Variants in FMR1 observed in about 807,000 individuals in gnomAD.
FMR1 encodes the protein FMRP translational regulator 1.
A neutral mutation model predicts 50.6 loss-of-function variants in FMR1; 13 were observed. The ratio of observed to expected loss-of-function variants is 0.26; its 90% CI spans 0.17 to 0.41. FMR1 has a LOEUF of 0.41. Among genes scored for constraint, FMR1 ranks in the 10% least tolerant of loss-of-function variants. The pLI, the probability that FMR1 is intolerant of heterozygous loss-of-function variation, is 1.00. For synonymous variants in FMR1, 138 were observed against 164.1 expected (o/e 0.84, Z 1.22); for missense variants, 316 against 491.3 (o/e 0.64, Z 3.37).
chrX:147,937,915 A>G (rs781904156), intron 11 of FMR1, among the ~76,000 whole-genome samples, 184 bp from the exon 12 acceptor site: 1 of 112,273 alleles, frequency 8.9e-6, no homozygotes, highest in Admixed American at 9.4e-5. Flanking sequence ...GTAGCTCAAA[A>G]TACACCTTCT....
chrX:147,934,848 T>C lies in FMR1; in HGVS notation c.881-1656T>C, dbSNP rs782090869. Among the ~76,000 whole-genome samples the C allele has an allele frequency of 1.1e-4, 12 of 111,898 alleles. No individual in the cohort carries two copies. The South Asian group carries it at 4.5e-3, about 42-fold the overall frequency. Reference sequence around the variant, plus strand: ...CTTTAGAGAGGTGTCATAATCAGTTTTGCATGTGTTTTGTTTGAGTCAACC... The same window carrying C: ...CTTTAGAGAGGTGTCATAATCAGTTCTGCATGTGTTTTGTTTGAGTCAACC... On this transcript the variant is annotated intron_variant, in intron 9 of 16. Transcript: ENST00000370475.
chrX:147,933,484 A>C, intron 9 of FMR1: 1 of 964,498 alleles, frequency 1.0e-6, no homozygotes, highest in Non-Finnish European at 1.3e-6. Flanking sequence ...GACTTTCTGC[A>C]AAGTCAATAG....
At chrX:147,938,238 A>G (rs1028398364) in intron 12 of FMR1, 77 bp downstream of exon 12, 16 of 851,956 alleles carry the variant, frequency 1.9e-5, no homozygotes, top group Admixed American at 8.9e-5. Flanking sequence ...AAAGATTACA[A>G]ATGATCCTCA....
chrX:147,942,637 G>A (rs927731110), intron 13 of FMR1, among the ~76,000 whole-genome samples: 1 of 112,180 alleles, frequency 8.9e-6, no homozygotes, highest in Non-Finnish European at 1.9e-5. Flanking sequence ...ACAAAAGATG[G>A]CCCAAACTCA....
chrX:147,920,415 T>C (rs1043451227), intron 1 of FMR1, among the ~76,000 whole-genome samples: 3 of 111,803 alleles, frequency 2.7e-5, no homozygotes, highest in African/African-American at 9.8e-5. Flanking sequence ...TCCTCCACTC[T>C]CTTTTGTTTA....
chrX:147,940,205 A>C (rs2043956377), intron 12 of FMR1: 1 of 117,127 alleles, frequency 8.5e-6, no homozygotes, highest in Non-Finnish European at 1.7e-5. Flanking sequence ...AAAAAGAAAA[A>C]ATTTTGATCA....
chrX:147,944,639 A>T, intron 14 of FMR1: 1 of 1,037,250 alleles, frequency 9.6e-7, no homozygotes, highest in Non-Finnish European at 1.2e-6. Context: ...CCTTTTTAAA[A>T]ATGAGAATGA....
intron 1 of FMR1, 67 bp downstream of exon 1, chrX:147,912,297 G>C: frequency 9.5e-7 from 1 of 1,052,042 alleles, no homozygotes; most frequent in South Asian, 2.0e-5. Context: ...TGGTGTCGGC[G>C]GGAGGCAGGC....
chrX:147,933,612 T>C (rs1223216541), intron 9 of FMR1: 1 of 861,756 alleles, frequency 1.2e-6, no homozygotes, highest in Admixed American at 6.8e-5. Flanking sequence ...TAGTAGAACA[T>C]ATCAAAACCA....
chrX:147,944,348 C>G lies in FMR1; in HGVS notation c.1472-521C>G, dbSNP rs1557181482. 4 of 751,390 alleles carry G rather than the reference C, an allele frequency of 5.3e-6. No homozygotes were observed. The African/African-American group carries it at 9.3e-5, about 17-fold the overall frequency. 61.9% of individuals were successfully genotyped at this position (751,390 alleles called of 1,213,427 possible). A position where few individuals can be genotyped will look rare whatever the true frequency, so the allele number is the denominator to read the frequency against. On this transcript the variant is annotated intron_variant, in intron 14 of 16. Transcript: ENST00000370475. ...CAGGCAAGCATGTATCTGCCTTCAG[C>G]TAGATCCAATCCATGACCCACAAGA... is the stretch of plus-strand genomic sequence containing the variant.
At position 147,928,821 on chromosome X, in the gene FMR1, C is replaced by CA. The variant is rs1384569069; in HGVS notation, c.419+16dup. The CA allele has an allele frequency of 8.3e-7, 1 of 1,203,808 alleles. No homozygotes were observed. The highest frequency in any genetic ancestry group is 1.7e-5 in the African/African-American group (1 of 57,503). ...CTTACGGCAAATGTAAGTTGATACACAAGAAATGCTGAGAACTTGGAAGTG... is the reference window on the plus strand; with the variant it reads ...CTTACGGCAAATGTAAGTTGATACACAAAGAAATGCTGAGAACTTGGAAGTG... On this transcript the variant is annotated intron_variant, in intron 5 of 16. Transcript: ENST00000370475.
At chrX:147,921,794 G>T in intron 1 of FMR1, 139 bp from the exon 2 acceptor site, 1 of 464,874 alleles carries the variant, frequency 2.2e-6, no homozygotes, top group Non-Finnish European at 3.9e-6. Flanking sequence ...TGAATAAAAT[G>T]ATCTTCAAAA....
At chrX:147,925,116 T>G in intron 2 of FMR1, 1 of 146,671 alleles carries the variant, frequency 6.8e-6, no homozygotes, top group Non-Finnish European at 1.3e-5. Flanking sequence ...AGAGGGCAGT[T>G]TTTGTGGTCC....
Position 147,950,756 on chromosome X carries a change from T to C in FMR1, c.*1912T>C, listed in dbSNP as rs1176926994. 1 of 317,740 alleles carries C rather than the reference T, an allele frequency of 3.1e-6. No homozygotes were observed. The highest frequency in any genetic ancestry group is 2.7e-5 in the African/African-American group (1 of 37,300). 26.2% of individuals were successfully genotyped at this position (317,740 alleles called of 1,213,427 possible). ...TGTTACCATTGGAAATTTCACGTCATAGGAAGTTAGCCTTTATCTACCAAC... is the reference window on the plus strand; with the variant it reads ...TGTTACCATTGGAAATTTCACGTCACAGGAAGTTAGCCTTTATCTACCAAC... On this transcript the variant is annotated 3_prime_UTR_variant, in exon 17 of 17. Transcript: ENST00000370475.
intron 15 of FMR1, 143 bp from the exon 16 acceptor site, chrX:147,945,391 G>A: frequency 5.7e-6 from 3 of 525,896 alleles, no homozygotes; most frequent in African/African-American, 2.3e-5. Context: ...TAGATTATTA[G>A]CCATTGTGTA....
At chrX:147,921,890 A>G (rs1602957999) in intron 1 of FMR1, 43 bp from the exon 2 acceptor site, 1 of 915,120 alleles carries the variant, frequency 1.1e-6, no homozygotes, top group Non-Finnish European at 1.6e-6. Context: ...AACAAAAACT[A>G]TCTTTAAGCT....
chrX:147,923,557 T>C (rs962244765), intron 2 of FMR1, among the ~76,000 whole-genome samples: 6 of 112,208 alleles, frequency 5.3e-5, no homozygotes, highest in African/African-American at 9.7e-5. Flanking sequence ...ATTTCCTCTA[T>C]GCATTTAAGA....
Position 147,929,963 on chromosome X carries a change from G to A in FMR1, c.435G>A (p.Ala145=), listed in dbSNP as rs782632430. 1.9e-5 allele frequency: 23 copies of A among 1,195,574 alleles called. No individual in the cohort carries two copies. The highest frequency in any genetic ancestry group is 1.8e-4 in the South Asian group (10 of 56,178). ...AAATTTCTAGGTGTGCCAAAGAGGC[G>A]GCACATAAGGATTTTAAAAAGGCAG... ...EDLRQMCAKE[A]AHKDFKKAVG... is the part of the protein sequence containing the mutation. The change falls in exon 6 of 17, where the codon GCG becomes GCA. Residue 145 remains alanine (A), a synonymous_variant. Coordinates refer to ENST00000370475, the MANE Select transcript of FMR1 (RefSeq NM_002024.6).
At chrX:147,917,299 C>T (rs1395119643) in intron 1 of FMR1, among the ~76,000 whole-genome samples, 1 of 111,863 alleles carries the variant, frequency 8.9e-6, no homozygotes, top group Non-Finnish European at 1.9e-5. Flanking sequence ...GACTTTCTGT[C>T]TTTGTTTCAT....
Sources: gnomAD v4.1 joint callset for allele counts (sites outside exome capture counted in the v4.1 genomes callset) on GRCh38, gnomAD v4.1.1 for gene constraint, MANE v1.5 for transcripts, NCBI Gene and HGNC (gene_info 2026-07-23, HGNC 2026-07-21) for gene names.